DENND5B: variants seen among roughly 807,000 people sequenced by gnomAD.
DENND5B encodes the protein DENN domain containing 5B.
A neutral mutation model predicts 140.6 loss-of-function variants in DENND5B; 34 were observed. The ratio of observed to expected loss-of-function variants is 0.24; its 90% CI spans 0.18 to 0.32. The LOEUF is 0.32. DENND5B is among the 10% of genes least tolerant of loss of function. The pLI is 1.00. For synonymous variants in DENND5B, 551 were observed against 562.1 expected, an observed-to-expected ratio of 0.98 and a Z score of 0.28; for missense variants, 1,142 against 1,560.2, an observed-to-expected ratio of 0.73 and a Z score of 4.52.
At chr12:31,502,333 A>T (rs919153741) in intron 1 of DENND5B, among the ~76,000 whole-genome samples, 5 of 150,038 alleles carry the variant, frequency 3.3e-5, no homozygotes, top group Admixed American at 2.0e-4. Context: ...ACAAAAACAA[A>T]AAAAACATTA....
intron 1 of DENND5B, among the ~76,000 whole-genome samples, chr12:31,515,695 CTG>C (rs958362802): frequency 6.6e-6 from 1 of 152,142 alleles, no homozygotes; most frequent in African/African-American, 2.4e-5. Flanking sequence ...AGTAGAAAAA[CTG>C]TTACATAGAT....
chr12:31,479,633 A>C lies in DENND5B; in HGVS notation c.860T>G (p.Phe287Cys), dbSNP rs1160252217. The C allele has an allele frequency of 4.6e-6, 7 of 1,527,234 alleles. No homozygotes were observed. Among genetic ancestry groups the C allele is most frequent in the Non-Finnish European group, 6.1e-6 (7 of 1,140,292 alleles). 94.6% of individuals were successfully genotyped at this position (1,527,234 alleles called of 1,614,324 possible). Residue 287 changes from phenylalanine (F) to cysteine (C), a missense_variant, in exon 3 of 21, where the codon TTT becomes TGT. Physicochemically the swap from Phe to Cys is radical, Grantham distance 205 (BLOSUM62 -2). Transcript: ENST00000389082. ...TTGCATCTCTAAAAGAACACAGGTA[A>C]ACACCTGCACCAGGTTCTCTAATCC... is the stretch of plus-strand genomic sequence containing the variant. ...LLGLENLVQVFTCVLLEMQIL... is the reference protein window; with the variant it reads ...LLGLENLVQVCTCVLLEMQIL...
chr12:31,531,070 T>C (rs1355504800), intron 1 of DENND5B, among the ~76,000 whole-genome samples: 2 of 152,264 alleles, frequency 1.3e-5, no homozygotes, highest in Non-Finnish European at 2.9e-5. Flanking sequence ...CTTTCCTGAA[T>C]TAAAATGTTC....
intron 15 of DENND5B, among the ~76,000 whole-genome samples, chr12:31,401,179 C>A (rs1162037375): frequency 6.6e-6 from 1 of 152,132 alleles, no homozygotes; most frequent in African/African-American, 2.4e-5. Context: ...TTCTTTGTAT[C>A]TCAGTGAGAA....
At chr12:31,396,494 A>G (rs576565423) in intron 17 of DENND5B, 2 of 152,650 alleles carry the variant, frequency 1.3e-5, no homozygotes, top group East Asian at 3.9e-4. Context: ...GAAGCATTCC[A>G]TATTTTTCTC....
At chr12:31,529,131 C>A (rs542052587) in intron 1 of DENND5B, among the ~76,000 whole-genome samples, 17 of 148,044 alleles carry the variant, frequency 1.1e-4, no homozygotes, top group Non-Finnish European at 2.2e-4. Context: ...CCACTAAACT[C>A]CAGCCTGCGC....
At chr12:31,525,015 C>T (rs993598693) in intron 1 of DENND5B, among the ~76,000 whole-genome samples, 2 of 152,212 alleles carry the variant, frequency 1.3e-5, no homozygotes, top group African/African-American at 4.8e-5. Flanking sequence ...AAATACAAAT[C>T]GAAACCACAA....
intron 1 of DENND5B, among the ~76,000 whole-genome samples, chr12:31,539,067 C>G (rs181470342): frequency 6.7e-6 from 1 of 150,256 alleles, no homozygotes; most frequent in Non-Finnish European, 1.5e-5. Flanking sequence ...TCAACTGATA[C>G]CACAGAAATT....
intron 13 of DENND5B, among the ~76,000 whole-genome samples, chr12:31,411,833 G>T (rs748387912): frequency 5.9e-5 from 9 of 152,160 alleles, no homozygotes; most frequent in Non-Finnish European, 1.3e-4. Context: ...AAAAGCACTG[G>T]AACTCTAATA....
At chr12:31,542,317 G>C (rs1243260480) in intron 1 of DENND5B, among the ~76,000 whole-genome samples, 1 of 151,158 alleles carries the variant, frequency 6.6e-6, no homozygotes, top group Admixed American at 6.6e-5. Context: ...TAAAACAATT[G>C]AACTCATGAA....
chr12:31,575,343 A>G (rs2139427899), intron 1 of DENND5B, among the ~76,000 whole-genome samples: 1 of 152,310 alleles, frequency 6.6e-6, no homozygotes, highest in Middle Eastern at 3.4e-3. Flanking sequence ...TAGAATTCCA[A>G]TTGATAATGT....
chr12:31,544,473 C>T (rs982530632), intron 1 of DENND5B, among the ~76,000 whole-genome samples: 12 of 152,070 alleles, frequency 7.9e-5, no homozygotes, highest in South Asian at 2.1e-4. Flanking sequence ...TTTGTAGAGA[C>T]GGGGTCTCCC....
chr12:31,401,906 T>G (rs537668113), intron 15 of DENND5B, among the ~76,000 whole-genome samples: 2 of 152,250 alleles, frequency 1.3e-5, no homozygotes, highest in African/African-American at 4.8e-5. Flanking sequence ...ATTATAGGCA[T>G]GAGTCACTGC....
At chr12:31,409,660 G>T (rs1942338695) in intron 13 of DENND5B, among the ~76,000 whole-genome samples, 1 of 151,894 alleles carries the variant, frequency 6.6e-6, no homozygotes, top group Non-Finnish European at 1.5e-5. Flanking sequence ...TGTATTTTTA[G>T]TAGGGATGGG....
At position 31,484,010 on chromosome 12, in the gene DENND5B, T is replaced by C. The variant is rs1003669248; in HGVS notation, c.238-3755A>G. Among the ~76,000 whole-genome samples the C allele has an allele frequency of 5.9e-5, 9 of 151,566 alleles. No individual in the cohort carries two copies. In the South Asian group the frequency reaches 6.2e-4, roughly 11 times the overall value. ...CTGGGACTACAGGCCTGCACCACCA[T>C]GCCCAGCTAATTTTGTGTTTTTAGT... On this transcript the variant is annotated intron_variant, in intron 2 of 20. Transcript: ENST00000389082.
At chr12:31,507,520 C>A (rs1160129511) in intron 1 of DENND5B, among the ~76,000 whole-genome samples, 2 of 151,982 alleles carry the variant, frequency 1.3e-5, no homozygotes, top group African/African-American at 4.8e-5. Context: ...GCAAAAATAA[C>A]CTTAGCAATG....
At chr12:31,485,159 T>C (rs1946250362) in intron 2 of DENND5B, among the ~76,000 whole-genome samples, 1 of 152,186 alleles carries the variant, frequency 6.6e-6, no homozygotes, top group African/African-American at 2.4e-5. Flanking sequence ...CAGCGGGCAC[T>C]GGTCAACAGA....
intron 14 of DENND5B, among the ~76,000 whole-genome samples, chr12:31,408,491 G>A (rs1196464916): frequency 6.6e-6 from 1 of 151,642 alleles, no homozygotes; most frequent in African/African-American, 2.4e-5. Flanking sequence ...GCCGGGTGTG[G>A]TGGGGCGTGC....
intron 1 of DENND5B, among the ~76,000 whole-genome samples, chr12:31,570,654 A>AT (rs1025439557): frequency 1.3e-5 from 2 of 151,538 alleles, no homozygotes; most frequent in Admixed American, 6.6e-5. Flanking sequence ...GATTTTAGTA[A>AT]TTTTTTTTGG....
Sources: gnomAD v4.1 joint callset for allele counts (sites outside exome capture counted in the v4.1 genomes callset) on GRCh38, gnomAD v4.1.1 for gene constraint, MANE v1.5 for transcripts, NCBI Gene and HGNC (gene_info 2026-07-23, HGNC 2026-07-21) for gene names.